The following LHFPL3 variants were observed in gnomAD, a reference collection of about 807,000 sequenced individuals.
LHFPL3 encodes LHFPL tetraspan subfamily member 3 protein.
LHFPL3 carries 5 observed loss-of-function variants against 19.3 expected under a neutral mutation model. The ratio of observed to expected loss-of-function variants is 0.26; its 90% CI spans 0.14 to 0.54. The LOEUF (loss-of-function observed/expected upper bound fraction) is 0.54, where lower values mean the gene tolerates loss of function less well. Ranked by LOEUF, LHFPL3 falls within the 20% of genes least tolerant of loss-of-function variation. The pLI is 0.94. For synonymous variants in LHFPL3, 133 were observed against 126.2 expected (o/e 1.05, Z -0.36); for missense variants, 249 against 307.4 (o/e 0.81, Z 1.42).
At chr7:104,518,230 C>A (rs935359949) in intron 1 of LHFPL3, among the ~76,000 whole-genome samples, 3 of 152,064 alleles carry the variant, frequency 2.0e-5, no homozygotes, top group Non-Finnish European at 2.9e-5. Context: ...TATATTACTA[C>A]TAATAATTAT....
intron 1 of LHFPL3, among the ~76,000 whole-genome samples, chr7:104,572,147 T>A (rs78275080): frequency 0.049 from 7,418 of 152,296 alleles, 239 homozygotes; most frequent in African/African-American, 0.088. Context: ...TGTTTTCAAG[T>A]ATTTTTCACA....
At chr7:104,517,972 A>G (rs1793954684) in intron 1 of LHFPL3, among the ~76,000 whole-genome samples, 1 of 152,134 alleles carries the variant, frequency 6.6e-6, no homozygotes, top group South Asian at 2.1e-4. Flanking sequence ...CTATGTAACA[A>G]AACTGCACAT....
At chr7:104,668,927 T>C (rs1423372707) in intron 1 of LHFPL3, 1 of 1,612,050 alleles carries the variant, frequency 6.2e-7, no homozygotes, top group Non-Finnish European at 8.5e-7. Context: ...GGGCCAAAAC[T>C]AGAACGACGG....
intron 1 of LHFPL3, among the ~76,000 whole-genome samples, chr7:104,475,423 A>G (rs1022667001): frequency 2.0e-5 from 3 of 152,234 alleles, no homozygotes; most frequent in African/African-American, 7.2e-5. Context: ...GTCTTAAAGC[A>G]GTAGAAAGGT....
chr7:104,698,815 TA>T (rs768388117), intron 1 of LHFPL3, among the ~76,000 whole-genome samples: 1 of 152,202 alleles, frequency 6.6e-6, no homozygotes, highest in African/African-American at 2.4e-5. Flanking sequence ...AAGGGATTAA[TA>T]GCCAGAATGT....
intron 1 of LHFPL3, among the ~76,000 whole-genome samples, chr7:104,473,791 T>C (rs1233625076): frequency 6.6e-6 from 1 of 152,234 alleles, no homozygotes; most frequent in African/African-American, 2.4e-5. Context: ...AAATTTGTTT[T>C]TAAAATTGAA....
intron 1 of LHFPL3, among the ~76,000 whole-genome samples, chr7:104,561,925 T>G (rs1041314355): frequency 6.6e-5 from 10 of 152,102 alleles, no homozygotes; most frequent in African/African-American, 2.4e-4. Context: ...AGGATTTTAT[T>G]TCTCCTTCAC....
intron 2 of LHFPL3, among the ~76,000 whole-genome samples, chr7:104,888,323 A>C (rs186566821): frequency 7.2e-5 from 11 of 152,134 alleles, no homozygotes; most frequent in Non-Finnish European, 1.0e-4. Context: ...TGAGTCCAGG[A>C]GTTTGGAAAC....
chr7:104,458,534 TG>T (rs1792592235), intron 1 of LHFPL3, among the ~76,000 whole-genome samples: 1 of 152,128 alleles, frequency 6.6e-6, no homozygotes, highest in African/African-American at 2.4e-5. Flanking sequence ...TAGTATAGTT[TG>T]AAGTCAGGTA....
chr7:104,439,738 T>C (rs1057420347), intron 1 of LHFPL3, among the ~76,000 whole-genome samples: 1 of 152,056 alleles, frequency 6.6e-6, no homozygotes, highest in Non-Finnish European at 1.5e-5. Flanking sequence ...GCAAAAATAA[T>C]ATTTAATGGT....
intron 1 of LHFPL3, among the ~76,000 whole-genome samples, chr7:104,385,508 G>C (rs1790922027): frequency 6.6e-6 from 1 of 152,194 alleles, no homozygotes; most frequent in Non-Finnish European, 1.5e-5. Flanking sequence ...TGGCACCAGA[G>C]TAAAATCACC....
chr7:104,883,093 C>G (rs541913583), intron 2 of LHFPL3, among the ~76,000 whole-genome samples: 1 of 152,222 alleles, frequency 6.6e-6, no homozygotes, highest in East Asian at 1.9e-4. Flanking sequence ...CTATGATGAT[C>G]CAATTTATTC....
At chr7:104,530,956 G>T (rs1444483841) in intron 1 of LHFPL3, among the ~76,000 whole-genome samples, 1 of 152,152 alleles carries the variant, frequency 6.6e-6, no homozygotes, top group Non-Finnish European at 1.5e-5. Flanking sequence ...CTCTTCGATT[G>T]CTCTAGTGGG....
intron 1 of LHFPL3, among the ~76,000 whole-genome samples, chr7:104,437,592 T>A (rs1231331976): frequency 6.6e-6 from 1 of 152,196 alleles, no homozygotes; most frequent in Non-Finnish European, 1.5e-5. Context: ...TAGCTACGAA[T>A]CAAAAGTTCC....
chr7:104,836,258 T>G (rs1791093373), intron 2 of LHFPL3, among the ~76,000 whole-genome samples: 1 of 152,132 alleles, frequency 6.6e-6, no homozygotes, highest in Non-Finnish European at 1.5e-5. Flanking sequence ...AAGAGCCCAA[T>G]CCTTTAGGCT....
intron 1 of LHFPL3, among the ~76,000 whole-genome samples, chr7:104,568,806 A>T (rs1790172418): frequency 6.6e-6 from 1 of 152,200 alleles, no homozygotes; most frequent in Non-Finnish European, 1.5e-5. Context: ...AGAAACCAGA[A>T]TTCATCTCCT....
chr7:104,371,405 G>A (rs1790612236), intron 1 of LHFPL3, among the ~76,000 whole-genome samples: 1 of 152,138 alleles, frequency 6.6e-6, no homozygotes, highest in African/African-American at 2.4e-5. Context: ...AGAAACATTT[G>A]GATATAGTTC....
chr7:104,721,030 ATTAC>A (rs1793480287), intron 1 of LHFPL3, among the ~76,000 whole-genome samples: 1 of 152,198 alleles, frequency 6.6e-6, no homozygotes, highest in South Asian at 2.1e-4. Flanking sequence ...TAGCAATCCC[ATTAC>A]TGGTTATATA....
chr7:104,834,395 C>A (rs748129103), intron 2 of LHFPL3, among the ~76,000 whole-genome samples: 3 of 151,968 alleles, frequency 2.0e-5, no homozygotes, highest in African/African-American at 7.3e-5. Flanking sequence ...GCCTCATGCT[C>A]CTCCTGAATC....
Sources: gnomAD v4.1 joint callset for allele counts (sites outside exome capture counted in the v4.1 genomes callset) on GRCh38, gnomAD v4.1.1 for gene constraint, MANE v1.5 for transcripts, NCBI Gene and HGNC (gene_info 2026-07-23, HGNC 2026-07-21) for gene names.